The following IGFN1 variants were observed in gnomAD, a reference collection of about 807,000 sequenced individuals.
IGFN1 encodes the protein immunoglobulin like and fibronectin type III domain containing 1.
A neutral mutation model predicts 289.5 loss-of-function variants in IGFN1; 253 were observed. The ratio of observed to expected loss-of-function variants is 0.87; its 90% CI spans 0.79 to 0.97. IGFN1 has a LOEUF of 0.97. Among genes scored for constraint, IGFN1 ranks in the 50% least tolerant of loss-of-function variants. The pLI, the probability that IGFN1 is intolerant of heterozygous loss-of-function variation, is 0.00. For synonymous variants in IGFN1, 1,706 were observed against 1,788.5 expected, an observed-to-expected ratio of 0.95 and a Z score of 1.16; for missense variants, 4,470 against 4,686.1, an observed-to-expected ratio of 0.95 and a Z score of 1.35.
At chr1:201,216,286 G>A in intron 15 of IGFN1, 168 bp from the exon 16 acceptor site, 2 of 613,528 alleles carry the variant, frequency 3.3e-6, no homozygotes, top group Non-Finnish European at 5.7e-6. Flanking sequence ...TGGCCCTCTG[G>A]GTAATGCCCA....
At chr1:201,198,013 C>A (rs544792018) in intron 5 of IGFN1, among the ~76,000 whole-genome samples, 2 of 152,338 alleles carry the variant, frequency 1.3e-5, no homozygotes, top group East Asian at 3.9e-4. Flanking sequence ...GCTCTGCCAT[C>A]CTTAGCAGAT....
Position 201,207,001 on chromosome 1 carries a change from C to T in IGFN1, c.2108C>T (p.Ala703Val), listed in dbSNP as rs1048529191. Residue 703 changes from alanine to valine, a missense_variant, in exon 12 of 24, where the codon GCT becomes GTT. Ala to Val is a moderately conservative substitution (Grantham distance 64, BLOSUM62 0). Around this residue, in one of 8 missense-constraint regions of IGFN1, gnomAD observed 2,011 missense variants for 1,953.4 expected, o/e 1.03. Transcript: ENST00000335211. The stretch of plus-strand genomic sequence containing the variant: ...TGGGGTTCTCAGGGAGGTAGAGATG[C>T]TGACTATGGGGAAGCCAGGGGCTAC... ...ESWGSQGGRD[A>V]DYGEARGYWG... 15 of 1,536,222 alleles carry T rather than the reference C, an allele frequency of 9.8e-6. No homozygotes were observed. The highest frequency in any genetic ancestry group is 1.2e-5 in the Non-Finnish European group (14 of 1,146,552).
rs756207085 is a variant in IGFN1, at chr1:201,203,903, AGTGGTGAGTGGTCTACACTGC to A, written c.914_916+18del. ...GGTCTTCTCCACAGAACTGGAGGCC[AGTGGTGAGTGGTCTACACTGC>A]CGAAGTTGGAGTTGGGGAGATATGT... On this transcript the variant is annotated splice_donor_variant and splice_donor_5th_base_variant and coding_sequence_variant and intron_variant, in exon 10 of 24. Coordinates refer to ENST00000335211, the MANE Select transcript of IGFN1 (RefSeq NM_001164586.2). LOFTEE classifies it high-confidence loss of function. The A allele has an allele frequency of 6.4e-7, 1 of 1,551,304 alleles. No individual in the cohort carries two copies. Among genetic ancestry groups the A allele is most frequent in the South Asian group, 1.2e-5 (1 of 84,026 alleles).
chr1:201,205,834 T>C (rs1234568472), intron 11 of IGFN1, among the ~76,000 whole-genome samples: 4 of 152,342 alleles, frequency 2.6e-5, no homozygotes, highest in Admixed American at 6.5e-5. Context: ...AAAACCCTCA[T>C]GAAGCCTATA....
At chr1:201,192,765 T>A (rs187506251) in intron 1 of IGFN1, among the ~76,000 whole-genome samples, 1 of 152,224 alleles carries the variant, frequency 6.6e-6, no homozygotes. Flanking sequence ...CCAAAGAATG[T>A]CCTTGGAGAA....
In IGFN1 at chr1:201,212,016, G is replaced by A. The variant is rs534669123; in HGVS notation, c.7123G>A (p.Gly2375Arg). Residue 2375 changes from glycine (G) to arginine (R), a missense_variant, in exon 12 of 24, where the codon GGA becomes AGA. Physicochemically the swap from Gly to Arg is moderately radical, Grantham distance 125. Coordinates refer to ENST00000335211, the MANE Select transcript of IGFN1 (RefSeq NM_001164586.2). ...LGVPGSLAGI[G>R]HEAGPRGHKA... ...AGTACCAGGCTCACTGGCTGGAATA[G>A]GACATGAGGCTGGACCCAGAGGCCA... The A allele has an allele frequency of 2.6e-5, 40 of 1,536,254 alleles. No individual in the cohort carries two copies. The South Asian group carries it at 4.5e-4, about 17-fold the overall frequency.
chr1:201,199,961 C>T (rs1667075983), intron 7 of IGFN1, among the ~76,000 whole-genome samples: 1 of 151,888 alleles, frequency 6.6e-6, no homozygotes, highest in African/African-American at 2.4e-5. Context: ...CAGAACAATG[C>T]AACACCCACT....
At position 201,199,624 on chromosome 1, in the gene IGFN1, T is replaced by C; in HGVS notation, c.428T>C (p.Leu143Pro). Residue 143 changes from leucine to proline, a missense_variant, in exon 7 of 24, where the codon CTG becomes CCG. Leu to Pro is a moderately conservative substitution (Grantham distance 98). Coordinates refer to ENST00000335211, the MANE Select transcript of IGFN1 (RefSeq NM_001164586.2). ...CCTTTTTCAGACCTCAGGAAGGAGC[T>C]GATGGACTTCCGGAAGTTGCTGAAA... ...REPQEDLRKE[L>P]MDFRKLLKKR... The C allele has an allele frequency of 1.9e-6, 3 of 1,551,582 alleles. No individual in the cohort carries two copies. Among genetic ancestry groups the C allele is most frequent in the Non-Finnish European group, 2.6e-6 (3 of 1,146,948 alleles).
Position 201,201,765 on chromosome 1 carries a change from A to G in IGFN1, c.680A>G (p.Asp227Gly). The G allele has an allele frequency of 6.6e-7, 1 of 1,522,432 alleles. No individual in the cohort carries two copies. The highest frequency in any genetic ancestry group is 8.9e-7 in the Non-Finnish European group (1 of 1,128,058). 94.3% of individuals were successfully genotyped at this position (1,522,432 alleles called of 1,614,324 possible). The change falls in exon 9 of 24, where the codon GAT becomes GGT. Residue 227 changes from aspartate to glycine, a missense_variant. Physicochemically the swap from Asp to Gly is moderately conservative, Grantham distance 94. This residue lies in a region of IGFN1 where 2,011 missense variants were observed against 1,953.4 expected (regional missense o/e 1.03). Transcript: ENST00000335211. ...TTAAGACACATCAGGGTCACCAAGG[A>G]TGGGAATGCAAAGTTTGACTTGGAG... ...SSLRHIRVTK[D>G]GNAKFDLELD...
chr1:201,197,507 T>C (rs1666971138), intron 5 of IGFN1, among the ~76,000 whole-genome samples, 190 bp downstream of exon 5: 1 of 152,182 alleles, frequency 6.6e-6, no homozygotes, highest in Admixed American at 6.5e-5. Flanking sequence ...CTGCATGTGT[T>C]TAAAAAGGCA....
Position 201,217,217 on chromosome 1 carries a change from C to T in IGFN1, c.9596-70C>T, listed in dbSNP as rs1571483478. The T allele has an allele frequency of 2.1e-6, 3 of 1,434,296 alleles. No homozygotes were observed. The East Asian group carries it at 6.8e-5, about 33-fold the overall frequency. 88.8% of individuals were successfully genotyped at this position (1,434,296 alleles called of 1,614,324 possible). On this transcript the variant is annotated intron_variant, in intron 16 of 23. Transcript: ENST00000335211. ...TGTCCCAGATGCCTGTGCCCCCTACCCCCAGGGGCTCCCCATGAGCCGGCA... is the reference window on the plus strand; with the variant it reads ...TGTCCCAGATGCCTGTGCCCCCTACTCCCAGGGGCTCCCCATGAGCCGGCA...
intron 12 of IGFN1, 132 bp from the exon 13 acceptor site, chr1:201,214,045 C>A: frequency 1.1e-6 from 1 of 886,816 alleles, no homozygotes; most frequent in Non-Finnish European, 1.7e-6. Flanking sequence ...GCCAAGATAG[C>A]ATAGGTGCTG....
At position 201,211,620 on chromosome 1, in the gene IGFN1, G is replaced by A. The variant is rs767836667; in HGVS notation, c.6727G>A (p.Gly2243Arg). The A allele has an allele frequency of 1.4e-5, 21 of 1,535,446 alleles. No individual in the cohort carries two copies. In the East Asian group the frequency reaches 3.9e-4, roughly 29 times the overall value. The change falls in exon 12 of 24, where the codon GGG (glycine) becomes AGG (arginine). Residue 2243 changes from glycine (G) to arginine (R), a missense_variant. Physicochemically the swap from Gly to Arg is moderately radical, Grantham distance 125 (BLOSUM62 -2). Transcript: ENST00000335211. ...RDGLGSSGEM[G>R]SMDEADYRKD... ...TGGTTTAGGGAGTTCTGGGGAAATG[G>A]GGTCAATGGATGAGGCAGATTATAG...
At chr1:201,201,272 A>T (rs1667140528) in intron 8 of IGFN1, among the ~76,000 whole-genome samples, 1 of 152,226 alleles carries the variant, frequency 6.6e-6, no homozygotes, top group African/African-American at 2.4e-5. Context: ...TTTTCTTCTG[A>T]AAATGGAAAA....
chr1:201,213,636 G>T lies in IGFN1; in HGVS notation c.8728+15G>T. The T allele has an allele frequency of 6.2e-7, 1 of 1,606,544 alleles. No homozygotes were observed. Among genetic ancestry groups the T allele is most frequent in the South Asian group, 1.1e-5 (1 of 90,580 alleles). ...GGATGCCCAAGGTAGGTGCTTCTCT[G>T]CTGAGCTGGCTCCCATGGGCTAGAG... On this transcript the variant is annotated intron_variant, in intron 12 of 23. Transcript: ENST00000335211.
At chr1:201,213,911 C>A (rs1196687513) in intron 12 of IGFN1, among the ~76,000 whole-genome samples, 1 of 152,196 alleles carries the variant, frequency 6.6e-6, no homozygotes, top group Non-Finnish European at 1.5e-5. Context: ...GGTTACCAGA[C>A]TTCTCACCTG....
rs1571459824 is a variant in IGFN1 at position 201,209,713 on chromosome 1, G to A, written c.4820G>A (p.Gly1607Glu). 2.0e-6 allele frequency: 3 copies of A among 1,522,790 alleles called. No individual in the cohort carries two copies. The highest frequency in any genetic ancestry group is 2.6e-6 in the Non-Finnish European group (3 of 1,138,264). 94.3% of individuals were successfully genotyped at this position (1,522,790 alleles called of 1,614,324 possible). A position where few individuals can be genotyped will look rare whatever the true frequency, so the allele number is the denominator to read the frequency against. Residue 1607 changes from glycine to glutamate, a missense_variant, in exon 12 of 24, where the codon GGG (glycine) becomes GAG (glutamate). Transcript: ENST00000335211. ...GAAGCAGGTTATAGGAAGGACTTGGGGGTTCCTGAGGGAATAGGTTCAGGA... is the reference window on the plus strand; with the variant it reads ...GAAGCAGGTTATAGGAAGGACTTGGAGGTTCCTGAGGGAATAGGTTCAGGA... ...VNEAGYRKDL[G>E]VPEGIGSGSK...
At chr1:201,217,628 A>G (rs1030835865) in intron 17 of IGFN1, among the ~76,000 whole-genome samples, 168 bp downstream of exon 17, 3 of 152,226 alleles carry the variant, frequency 2.0e-5, no homozygotes, top group South Asian at 4.1e-4. Flanking sequence ...TAAATGTTAC[A>G]GGCATCTAGT....
At position 201,211,512 on chromosome 1, in the gene IGFN1, G is replaced by A. The variant is rs752593104; in HGVS notation, c.6619G>A (p.Gly2207Arg). 184 of 1,501,554 alleles carry A rather than the reference G, an allele frequency of 1.2e-4. No homozygotes were observed. The highest frequency in any genetic ancestry group is 8.7e-5 in the Non-Finnish European group (98 of 1,127,178). The allele number at this position is 1,501,554 out of a possible 1,614,324, so 93.0% of individuals were successfully genotyped here. A position where few individuals can be genotyped will look rare whatever the true frequency, so the allele number is the denominator to read the frequency against. ...TGGTTTAGGGGGTTCTGAAGAAATG[G>A]GGTCAGTGAATAAGGCAGGTTATAG... is the stretch of plus-strand genomic sequence containing the variant. Reference protein sequence around the residue: ...RDGLGGSEEMGSVNKAGYRKD... With the variant: ...RDGLGGSEEMRSVNKAGYRKD... The change falls in exon 12 of 24, where the codon GGG becomes AGG. Residue 2207 changes from glycine (G) to arginine (R), a missense_variant. Gly to Arg is a moderately radical substitution (Grantham distance 125). This residue lies in a region of IGFN1 where 2,218 missense variants were observed against 2,114.1 expected (regional missense o/e 1.05). Coordinates refer to ENST00000335211, the MANE Select transcript of IGFN1 (RefSeq NM_001164586.2).
Sources: gnomAD v4.1 joint callset for allele counts (sites outside exome capture counted in the v4.1 genomes callset) on GRCh38, gnomAD v4.1.1 for gene constraint, gnomAD v4.1.1 regional missense constraint, MANE v1.5 for transcripts, NCBI Gene and HGNC (gene_info 2026-07-23, HGNC 2026-07-21) for gene names.